The following PRORP variants were observed in gnomAD, a reference collection of about 807,000 sequenced individuals.
PRORP encodes protein only RNase P catalytic subunit.
Under a neutral mutation model 59.4 loss-of-function variants are expected in PRORP, and 51 were observed. The ratio of observed to expected loss-of-function variants is 0.86; its 90% CI spans 0.69 to 1.08. The LOEUF is 1.08. Ranked by LOEUF, PRORP falls within the 50% of genes least tolerant of loss-of-function variation. The pLI is 0.00. For missense variants in PRORP, 646 were observed against 690.3 expected (o/e 0.94, Z 0.72); for synonymous variants, 231 against 245.6 (o/e 0.94, Z 0.55).
intron 5 of PRORP, among the ~76,000 whole-genome samples, chr14:35,232,526 G>T (rs1440126302): frequency 6.6e-6 from 1 of 152,074 alleles, no homozygotes; most frequent in Non-Finnish European, 1.5e-5. Flanking sequence ...GACATACTTA[G>T]CCTGCCAATT....
At chr14:35,191,994 A>G (rs1331348915) in intron 5 of PRORP, among the ~76,000 whole-genome samples, 2 of 152,012 alleles carry the variant, frequency 1.3e-5, no homozygotes, top group Non-Finnish European at 2.9e-5. Flanking sequence ...CATTAACATC[A>G]TCTCTCACCA....
intron 4 of PRORP, among the ~76,000 whole-genome samples, chr14:35,163,355 A>T (rs2048108769): frequency 6.6e-6 from 1 of 152,144 alleles, no homozygotes; most frequent in Non-Finnish European, 1.5e-5. Context: ...TCTCCCTGAA[A>T]TGCTGGTTGC....
At chr14:35,143,838 G>A (rs1180370624) in intron 4 of PRORP, among the ~76,000 whole-genome samples, 1 of 144,908 alleles carries the variant, frequency 6.9e-6, no homozygotes, top group Non-Finnish European at 1.5e-5. Context: ...AGTAGAGATG[G>A]GGTTTCTCCA....
intron 5 of PRORP, among the ~76,000 whole-genome samples, chr14:35,243,097 T>TG (rs1263826547): frequency 6.6e-6 from 1 of 152,210 alleles, no homozygotes; most frequent in African/African-American, 2.4e-5. Flanking sequence ...TTCAGTGTAT[T>TG]GCCAAGTACT....
Position 35,213,061 on chromosome 14 carries a change from C to T in PRORP, c.1275+32284C>T, listed in dbSNP as rs566228230. Among the ~76,000 whole-genome samples the T allele has an allele frequency of 2.2e-3, 332 of 152,340 alleles. 2 individuals are homozygous for T. Among genetic ancestry groups the T allele is most frequent in the Non-Finnish European group, 3.4e-3 (233 of 68,036 alleles). ...AACCTCATGAGCCAACCTCTGCCAA[C>T]TTCCAGCTTTTCTTCTGCAGCTTTC... On this transcript the variant is annotated intron_variant, in intron 5 of 7. Transcript: ENST00000534898.
chr14:35,234,657 C>T (rs533347945), intron 5 of PRORP, among the ~76,000 whole-genome samples: 13 of 148,978 alleles, frequency 8.7e-5, no homozygotes, highest in South Asian at 8.5e-4. Context: ...TCCTTTCTTT[C>T]CTCTTTCAAC....
At chr14:35,214,351 A>G (rs2049530869) in intron 5 of PRORP, among the ~76,000 whole-genome samples, 1 of 152,202 alleles carries the variant, frequency 6.6e-6, no homozygotes, top group South Asian at 2.1e-4. Context: ...CATTAGGTCA[A>G]TTATGTGGTC....
intron 5 of PRORP, among the ~76,000 whole-genome samples, chr14:35,232,657 G>C (rs893686323): frequency 4.6e-5 from 7 of 151,874 alleles, no homozygotes; most frequent in African/African-American, 1.7e-4. Context: ...GTCCCAAACT[G>C]TTTCTACCAT....
rs867828095 is a variant in PRORP, at chr14:35,173,387, A to G, written c.1168-7283A>G. On this transcript the variant is annotated intron_variant, in intron 4 of 7. Transcript: ENST00000534898. ...TTAGACTCCAAACTGTCTCCCTTGC[A>G]GTGGGTAGCAGCTGAGATCTCTGCT... 2.6e-5 allele frequency among the ~76,000 whole-genome samples: 4 copies of G among 152,176 alleles called. 1 individual carries two copies. Among genetic ancestry groups the G allele is most frequent in the Non-Finnish European group, 4.4e-5 (3 of 68,042 alleles).
intron 5 of PRORP, among the ~76,000 whole-genome samples, chr14:35,260,896 A>G (rs2050888813): frequency 6.6e-6 from 1 of 152,198 alleles, no homozygotes; most frequent in African/African-American, 2.4e-5. Flanking sequence ...AAGTCTGTCT[A>G]GTCCTCCTGA....
intron 4 of PRORP, among the ~76,000 whole-genome samples, chr14:35,137,368 G>A (rs562175117): frequency 6.9e-6 from 1 of 145,538 alleles, no homozygotes; most frequent in East Asian, 2.3e-4. Flanking sequence ...AAATGTGGAG[G>A]TTGGAAATGA....
intron 4 of PRORP, among the ~76,000 whole-genome samples, chr14:35,135,298 T>C (rs1472766893): frequency 4.6e-5 from 7 of 152,218 alleles, no homozygotes; most frequent in Non-Finnish European, 1.0e-4. Flanking sequence ...TTTTTTTACA[T>C]GTGTAGATAG....
At chr14:35,240,255 G>T (rs2050326999) in intron 5 of PRORP, among the ~76,000 whole-genome samples, 1 of 148,188 alleles carries the variant, frequency 6.7e-6, no homozygotes, top group African/African-American at 2.5e-5. Flanking sequence ...AAAATACTGT[G>T]GTTCCTGCTT....
At chr14:35,129,317 A>ATG (rs778433603) in intron 4 of PRORP, among the ~76,000 whole-genome samples, 5 of 151,120 alleles carry the variant, frequency 3.3e-5, no homozygotes, top group Non-Finnish European at 7.4e-5. Flanking sequence ...GATACATTTA[A>ATG]TGTTATTATT....
In PRORP at chr14:35,276,800, T is replaced by C. The variant is rs765884143; in HGVS notation, c.*3234T>C. On this transcript the variant is annotated 3_prime_UTR_variant, in exon 8 of 8. Coordinates refer to ENST00000534898, the MANE Select transcript of PRORP (RefSeq NM_014672.4). ...TTAAAAGTATTTCTAAAATACTTTG[T>C]GCTTCCCCCTTGCATTCTGAATTTA... 1.2e-4 allele frequency: 19 copies of C among 152,230 alleles called. No individual in the cohort carries two copies. The highest frequency in any genetic ancestry group is 2.5e-4 in the Non-Finnish European group (17 of 68,056). The allele number at this position is 152,230 out of a possible 1,614,324, so 9.4% of individuals were successfully genotyped here.
At chr14:35,229,804 TCAAA>T (rs1344906754) in intron 5 of PRORP, among the ~76,000 whole-genome samples, 2 of 152,206 alleles carry the variant, frequency 1.3e-5, no homozygotes, top group African/African-American at 2.4e-5. Flanking sequence ...TGGATTTTTT[TCAAA>T]CAATCACAAG....
intron 5 of PRORP, among the ~76,000 whole-genome samples, chr14:35,189,823 A>G (rs1225305814): frequency 6.6e-6 from 1 of 152,214 alleles, no homozygotes; most frequent in Non-Finnish European, 1.5e-5. Flanking sequence ...AAAAATAAGC[A>G]TAGCAGGCTG....
intron 5 of PRORP, among the ~76,000 whole-genome samples, chr14:35,219,495 G>T (rs1595333882): frequency 6.6e-6 from 1 of 152,220 alleles, no homozygotes; most frequent in East Asian, 1.9e-4. Flanking sequence ...ACATGTGACA[G>T]TGTTTAGGTC....
chr14:35,192,080 G>T (rs1236323411), intron 5 of PRORP, among the ~76,000 whole-genome samples: 1 of 152,002 alleles, frequency 6.6e-6, no homozygotes, highest in Non-Finnish European at 1.5e-5. Context: ...TAAAATCCAA[G>T]TTCCTCATCG....
Sources: gnomAD v4.1 joint callset for allele counts (sites outside exome capture counted in the v4.1 genomes callset) on GRCh38, gnomAD v4.1.1 for gene constraint, MANE v1.5 for transcripts, NCBI Gene and HGNC (gene_info 2026-07-23, HGNC 2026-07-21) for gene names.